The following CREB3L2 variants were observed in gnomAD, a reference collection of about 807,000 sequenced individuals.
CREB3L2 encodes cyclic AMP-responsive element-binding protein 3-like protein 2.
CREB3L2 carries 23 observed loss-of-function variants against 57.2 expected under a neutral mutation model. The ratio of observed to expected loss-of-function variants is 0.40; its 90% CI spans 0.29 to 0.57. The LOEUF is 0.57. Among genes scored for constraint, CREB3L2 ranks in the 20% least tolerant of loss-of-function variants. The pLI is 0.42. For missense variants in CREB3L2, 628 were observed against 634.7 expected, an observed-to-expected ratio of 0.99 and a Z score of 0.11; for synonymous variants, 268 against 265.1, an observed-to-expected ratio of 1.01 and a Z score of -0.11.
chr7:137,969,443 T>A (rs1211886971), intron 1 of CREB3L2, among the ~76,000 whole-genome samples: 1 of 146,720 alleles, frequency 6.8e-6, no homozygotes, highest in Non-Finnish European at 1.5e-5. Flanking sequence ...GCCTCCCGGG[T>A]TCATGCCATT....
chr7:137,989,512 C>T (rs1801851080), intron 1 of CREB3L2, among the ~76,000 whole-genome samples: 1 of 150,842 alleles, frequency 6.6e-6, no homozygotes, highest in South Asian at 2.1e-4. Flanking sequence ...TCTGGTGCCC[C>T]CAGGGCTCCA....
intron 2 of CREB3L2, among the ~76,000 whole-genome samples, chr7:137,921,883 G>A (rs538076066): frequency 1.1e-4 from 17 of 151,496 alleles, no homozygotes; most frequent in South Asian, 2.1e-4. Flanking sequence ...CGATCCTGCC[G>A]CCTCAGCCTC....
rs10534110 is a variant in CREB3L2, at chr7:137,876,331, C to CGT, written c.*4143_*4144dup. ...TGAGCATGTAAGGGAGGAATGTGCA[C>CGT]GTGTGTGTGTGTGTGTGTGTGTGTG... On this transcript the variant is annotated 3_prime_UTR_variant, in exon 12 of 12. Transcript: ENST00000330387. The CGT allele has an allele frequency of 0.07, 15,536 of 222,424 alleles. 427 individuals carry two copies. The highest frequency in any genetic ancestry group is 0.082 in the African/African-American group (3,560 of 43,530). 13.8% of individuals were successfully genotyped at this position (222,424 alleles called of 1,614,324 possible).
intron 1 of CREB3L2, among the ~76,000 whole-genome samples, chr7:137,991,997 T>C (rs946913977): frequency 5.3e-5 from 8 of 152,002 alleles, no homozygotes; most frequent in Admixed American, 5.2e-4. Context: ...CATTAAAATA[T>C]GGATGGTTCA....
At chr7:137,885,724 T>G (rs527841375) in intron 8 of CREB3L2, among the ~76,000 whole-genome samples, 1 of 152,344 alleles carries the variant, frequency 6.6e-6, no homozygotes, top group East Asian at 1.9e-4. Context: ...TTGAAAGTCC[T>G]GTTCTTGCAC....
At chr7:137,928,031 G>T in intron 2 of CREB3L2, 119 bp downstream of exon 2, 1 of 802,152 alleles carries the variant, frequency 1.2e-6, no homozygotes, top group Non-Finnish European at 2.1e-6. Context: ...CGTACACACT[G>T]TAGGTATCTC....
chr7:137,966,976 C>T (rs1270170242), intron 1 of CREB3L2, among the ~76,000 whole-genome samples: 1 of 152,202 alleles, frequency 6.6e-6, no homozygotes, highest in Non-Finnish European at 1.5e-5. Flanking sequence ...GGGAGGTTTA[C>T]ATGACGTCAT....
At chr7:137,989,669 C>G (rs1365271778) in intron 1 of CREB3L2, among the ~76,000 whole-genome samples, 1 of 151,992 alleles carries the variant, frequency 6.6e-6, no homozygotes, top group Admixed American at 6.5e-5. Flanking sequence ...AACTCCAGAC[C>G]CAAGTCTCCA....
At chr7:137,897,614 C>T (rs957271884) in intron 8 of CREB3L2, among the ~76,000 whole-genome samples, 5 of 152,128 alleles carry the variant, frequency 3.3e-5, no homozygotes, top group Non-Finnish European at 5.9e-5. Context: ...CCACCTGCCT[C>T]GGCCTCCCAA....
chr7:137,927,247 G>T (rs1322937662), intron 2 of CREB3L2, among the ~76,000 whole-genome samples: 1 of 135,252 alleles, frequency 7.4e-6, no homozygotes, highest in East Asian at 2.1e-4. Flanking sequence ...GGGAGGGAAC[G>T]GAACGGAACA....
At chr7:137,901,045 A>T (rs1262824248) in intron 8 of CREB3L2, among the ~76,000 whole-genome samples, 1 of 152,120 alleles carries the variant, frequency 6.6e-6, no homozygotes, top group Non-Finnish European at 1.5e-5. Flanking sequence ...CATTTAGGAA[A>T]AGTAAAGAAT....
At chr7:137,929,860 C>T (rs944108238) in intron 1 of CREB3L2, among the ~76,000 whole-genome samples, 12 of 150,192 alleles carry the variant, frequency 8.0e-5, no homozygotes, top group African/African-American at 2.9e-4. Context: ...CAGTGCAAGA[C>T]TCCATCTCAA....
chr7:137,945,188 C>CCCAG (rs1405912453), intron 1 of CREB3L2, among the ~76,000 whole-genome samples: 105 of 152,188 alleles, frequency 6.9e-4, no homozygotes, highest in Non-Finnish European at 1.8e-4. Context: ...AGCCACCACG[C>CCCAG]CCAGCCAAAT....
chr7:137,926,798 T>C (rs977829218), intron 2 of CREB3L2, among the ~76,000 whole-genome samples: 65 of 152,142 alleles, frequency 4.3e-4, no homozygotes, highest in African/African-American at 1.4e-3. Flanking sequence ...AATAGAGTTT[T>C]TAAAATTTAA....
rs1048893739 is a variant in CREB3L2, at chr7:137,876,019, C to T, written c.*4457G>A. 10 of 229,054 alleles carry T rather than the reference C, an allele frequency of 4.4e-5. No homozygotes were observed. The highest frequency in any genetic ancestry group is 6.9e-5 in the Non-Finnish European group (8 of 115,552). The allele number at this position is 229,054 out of a possible 1,614,324, so 14.2% of individuals were successfully genotyped here. On this transcript the variant is annotated 3_prime_UTR_variant, in exon 12 of 12. Transcript: ENST00000330387. ...GGTTCCTTTGCCCTGAGAAATGTTC[C>T]GCTATGAGGATTTATAATACCTTTA...
At chr7:137,962,022 C>T (rs1004018723) in intron 1 of CREB3L2, among the ~76,000 whole-genome samples, 1 of 152,158 alleles carries the variant, frequency 6.6e-6, no homozygotes, top group African/African-American at 2.4e-5. Flanking sequence ...CCTGCACCTC[C>T]ACGCGCCTGC....
chr7:138,001,593 CG>C lies in CREB3L2; in HGVS notation c.102+10del. The C allele has an allele frequency of 6.2e-7, 1 of 1,603,062 alleles. No homozygotes were observed. Among genetic ancestry groups the C allele is most frequent in the Non-Finnish European group, 8.5e-7 (1 of 1,172,904 alleles). On this transcript the variant is annotated intron_variant, in intron 1 of 11. Transcript: ENST00000330387. This position sits in a 1 kb window ranked among gnomAD's most constrained non-coding sequence, Gnocchi z 4.2. ...TTGAAAGCCCTCCTGCCCCGCCCGC[CG>C]GGTCCTCACCGTGTGGTACATGAGG...
At position 137,879,852 on chromosome 7, in the gene CREB3L2, G is replaced by A. The variant is rs1799250750; in HGVS notation, c.*624C>T. 4.3e-6 allele frequency: 1 copy of A among 234,786 alleles called. No homozygotes were observed. Among genetic ancestry groups the A allele is most frequent in the Admixed American group, 5.5e-5 (1 of 18,026 alleles). The allele number at this position is 234,786 out of a possible 1,614,324, so 14.5% of individuals were successfully genotyped here. On this transcript the variant is annotated 3_prime_UTR_variant, in exon 12 of 12. Transcript: ENST00000330387. ...ACAAGATGGGGCAGGTTTGCCTGGAGTAGAAAAGCCTGATCCCCTCAGGCA... is the reference window on the plus strand; with the variant it reads ...ACAAGATGGGGCAGGTTTGCCTGGAATAGAAAAGCCTGATCCCCTCAGGCA...
At chr7:137,964,057 G>A (rs1194167957) in intron 1 of CREB3L2, among the ~76,000 whole-genome samples, 5 of 152,238 alleles carry the variant, frequency 3.3e-5, no homozygotes, top group Non-Finnish European at 5.9e-5. Flanking sequence ...GCTCACGCCT[G>A]TAATCCCAGC....
Sources: allele counts gnomAD v4.1 joint callset (sites outside exome capture counted in the v4.1 genomes callset), GRCh38; gene constraint gnomAD v4.1.1; non-coding constraint Gnocchi (gnomAD v3.1); transcripts MANE v1.5; gene names NCBI Gene and HGNC (gene_info 2026-07-23, HGNC 2026-07-21).